NFIB: variants seen among roughly 807,000 people sequenced by gnomAD.
NFIB encodes the protein nuclear factor I B, also known as nuclear factor 1 B-type.
A neutral mutation model predicts 61.5 loss-of-function variants in NFIB; 11 were observed. The ratio of observed to expected loss-of-function variants is 0.18; its 90% CI spans 0.11 to 0.30. The LOEUF is 0.30. Ranked by LOEUF, NFIB falls within the 10% of genes least tolerant of loss-of-function variation. The pLI is 1.00. For missense variants in NFIB, 471 were observed against 608.9 expected (o/e 0.77, Z 2.38); for synonymous variants, 260 against 216.5 (o/e 1.20, Z -1.76).
At chr9:14,163,951 A>G (rs28546939) in intron 3 of NFIB, among the ~76,000 whole-genome samples, 105,464 of 151,198 alleles carry the variant, frequency 0.7, 41,574 homozygotes, top group South Asian at 0.92. Flanking sequence ...TGAACCAAAG[A>G]GAAAAATCAA....
chr9:14,251,431 T>C (rs1386350949), intron 2 of NFIB, among the ~76,000 whole-genome samples: 1 of 152,218 alleles, frequency 6.6e-6, no homozygotes, highest in Admixed American at 6.5e-5. Context: ...TGATTACTAG[T>C]GAACTCAATG....
the NFIB span, among the ~76,000 whole-genome samples, chr9:14,465,509 G>A: frequency 6.6e-6 from 1 of 151,740 alleles, no homozygotes; most frequent in East Asian, 1.9e-4. Flanking sequence ...GCTCATTAAT[G>A]ATTTATGAAA....
the NFIB span, among the ~76,000 whole-genome samples, chr9:14,505,419 C>T: frequency 6.6e-6 from 1 of 152,144 alleles, no homozygotes; most frequent in Non-Finnish European, 1.5e-5. Context: ...GAAGCTTGAG[C>T]TACAGCATCT....
At chr9:14,297,993 T>C (rs1426760144) in intron 2 of NFIB, among the ~76,000 whole-genome samples, 1 of 152,122 alleles carries the variant, frequency 6.6e-6, no homozygotes, top group East Asian at 1.9e-4. Flanking sequence ...AAAACAATTT[T>C]TATATTCATT....
intron 1 of NFIB, among the ~76,000 whole-genome samples, chr9:14,334,836 T>A (rs2060866763): frequency 6.6e-6 from 1 of 152,220 alleles, no homozygotes; most frequent in Non-Finnish European, 1.5e-5. Context: ...CTCTTGGTGA[T>A]CCCTCTGTCC....
intron 2 of NFIB, among the ~76,000 whole-genome samples, chr9:14,183,706 A>G (rs2047050991): frequency 6.6e-6 from 1 of 152,072 alleles, no homozygotes; most frequent in African/African-American, 2.4e-5. Flanking sequence ...CACCCAGTTT[A>G]GTGTCTGGAA....
At chr9:14,476,740 G>A in the NFIB span, among the ~76,000 whole-genome samples, 18 of 152,202 alleles carry the variant, frequency 1.2e-4, no homozygotes, top group East Asian at 1.9e-3. Context: ...AAGAAAACCC[G>A]GTAATCTCTG....
At chr9:14,331,419 T>A (rs1238352790) in intron 1 of NFIB, among the ~76,000 whole-genome samples, 1 of 152,240 alleles carries the variant, frequency 6.6e-6, no homozygotes, top group Non-Finnish European at 1.5e-5. Context: ...ACTCTTCTTT[T>A]GAAATTGCCT....
At chr9:14,257,315 A>G (rs1328405040) in intron 2 of NFIB, among the ~76,000 whole-genome samples, 1 of 152,250 alleles carries the variant, frequency 6.6e-6, no homozygotes, top group Non-Finnish European at 1.5e-5. Flanking sequence ...CACAGCTGAA[A>G]AAAACTGTGA....
intron 2 of NFIB, among the ~76,000 whole-genome samples, chr9:14,195,667 G>A (rs766723609): frequency 2.0e-5 from 3 of 152,188 alleles, no homozygotes; most frequent in Non-Finnish European, 4.4e-5. Context: ...GGATCCCAAA[G>A]CCAAAGCTTC....
At chr9:14,280,034 A>G (rs1350192628) in intron 2 of NFIB, among the ~76,000 whole-genome samples, 6 of 152,150 alleles carry the variant, frequency 3.9e-5, no homozygotes, top group African/African-American at 9.7e-5. Context: ...TCAAAATGAC[A>G]CACTTTGGAA....
intron 2 of NFIB, among the ~76,000 whole-genome samples, chr9:14,297,647 C>T (rs1272949665): frequency 1.3e-5 from 2 of 152,200 alleles, no homozygotes; most frequent in African/African-American, 4.8e-5. Flanking sequence ...TGTCTCTCAT[C>T]TGTCAGTGTA....
At position 14,313,912 on chromosome 9, in the gene NFIB, G is replaced by C. The variant is rs2060412230; in HGVS notation, c.-401C>G. The stretch of plus-strand genomic sequence containing the variant: ...GTTCGGTGTGGGTTGGATTGGGGTG[G>C]TGGTTGGTGGTAAAATGCTTTTTCA... On this transcript the variant is annotated 5_prime_UTR_variant, in exon 1 of 11. Transcript: ENST00000380953. The surrounding 1 kb of genome is among the most constrained non-coding windows in gnomAD (Gnocchi z 4.5). 1 of 1,061,086 alleles carries C rather than the reference G, an allele frequency of 9.4e-7. No homozygotes were observed. The highest frequency in any genetic ancestry group is 1.1e-6 in the Non-Finnish European group (1 of 878,756). The allele number at this position is 1,061,086 out of a possible 1,614,324, so 65.7% of individuals were successfully genotyped here. A position where few individuals can be genotyped will look rare whatever the true frequency, so the allele number is the denominator to read the frequency against.
intron 1 of NFIB, among the ~76,000 whole-genome samples, chr9:14,346,052 G>A (rs1055263306): frequency 2.1e-4 from 32 of 152,300 alleles, no homozygotes; most frequent in African/African-American, 7.5e-4. Context: ...GGCTGAGGAG[G>A]CACGACCCTG....
At chr9:14,332,527 T>C (rs2060834787) in intron 1 of NFIB, among the ~76,000 whole-genome samples, 1 of 152,106 alleles carries the variant, frequency 6.6e-6, no homozygotes, top group Admixed American at 6.5e-5. Flanking sequence ...TAAATATTTA[T>C]GGAGCACCTC....
At chr9:14,315,948 G>T (rs1328212966), upstream of NFIB, among the ~76,000 whole-genome samples, 2 of 152,018 alleles carry the variant, frequency 1.3e-5, no homozygotes, top group Non-Finnish European at 2.9e-5. Flanking sequence ...GCTTCCACGG[G>T]TACTGCTGGG....
Position 14,222,806 on chromosome 9 carries a change from A to AAAAAAT in NFIB, c.563-43027_563-43026insATTTTT, listed in dbSNP as rs1253170447. 3.3e-4 allele frequency among the ~76,000 whole-genome samples: 49 copies of AAAAAAT among 150,628 alleles called. 1 individual carries two copies. The highest frequency in any genetic ancestry group is 5.8e-4 in the Non-Finnish European group (39 of 67,708). On this transcript the variant is annotated intron_variant, in intron 2 of 10. Transcript: ENST00000380953. ...GTAAGATCCTGTCTCAAAAAAAAAAAAAAGAAAGAAAGAAAAGAAAAAGAA... is the reference window on the plus strand; with the variant it reads ...GTAAGATCCTGTCTCAAAAAAAAAAAAAAAATAAAGAAAGAAAGAAAAGAAAAAGAA...
chr9:14,360,375 T>G (rs1417338021), intron 1 of NFIB, among the ~76,000 whole-genome samples: 1 of 152,200 alleles, frequency 6.6e-6, no homozygotes, highest in Non-Finnish European at 1.5e-5. Flanking sequence ...AGTTCTAAAT[T>G]CAAGTAATTT....
chr9:14,173,027 C>G (rs536902516), intron 3 of NFIB, among the ~76,000 whole-genome samples: 1 of 152,334 alleles, frequency 6.6e-6, no homozygotes, highest in Admixed American at 6.5e-5. Context: ...CTCAGCCTAT[C>G]AAAGTGCTGG....
Sources: gnomAD v4.1 joint callset for allele counts (sites outside exome capture counted in the v4.1 genomes callset) on GRCh38, gnomAD v4.1.1 for gene constraint, Gnocchi (gnomAD v3.1) non-coding constraint, MANE v1.5 for transcripts, NCBI Gene and HGNC (gene_info 2026-07-23, HGNC 2026-07-21) for gene names.